PDLIM7: variants seen among roughly 807,000 people sequenced by gnomAD.
PDLIM7 encodes the protein PDZ and LIM domain 7.
In PDLIM7, 37 loss-of-function variants were observed where a neutral mutation model predicts 53.9. The observed-to-expected ratio is 0.69, with a 90% CI of 0.53 to 0.90. PDLIM7 has a LOEUF of 0.90. PDLIM7 is among the 40% of genes least tolerant of loss of function. The pLI is 0.00. For synonymous variants in PDLIM7, 300 were observed against 261.3 expected, an observed-to-expected ratio of 1.15 and a Z score of -1.43; for missense variants, 617 against 638.5, an observed-to-expected ratio of 0.97 and a Z score of 0.36.
intron 5 of PDLIM7, 64 bp downstream of exon 5, chr5:177,491,743 G>T: frequency 1.3e-6 from 1 of 799,704 alleles, no homozygotes. Flanking sequence ...GCAGCAGCGG[G>T]CAGCGGGCGT....
At chr5:177,492,967 G>A (rs1017943711) in intron 2 of PDLIM7, 10 of 431,732 alleles carry the variant, frequency 2.3e-5, no homozygotes, top group African/African-American at 1.4e-4. Context: ...TCTATTCACC[G>A]CCACCACCCT....
intron 6 of PDLIM7, 23 bp downstream of exon 6, chr5:177,490,987 C>G: frequency 6.2e-7 from 1 of 1,613,786 alleles, no homozygotes; most frequent in Non-Finnish European, 8.5e-7. Flanking sequence ...GGAAAGTACC[C>G]CCTGCCCTGG....
chr5:177,491,244 G>A, intron 5 of PDLIM7, 98 bp from the exon 6 acceptor site: 1 of 1,449,238 alleles, frequency 6.9e-7, no homozygotes, highest in Non-Finnish European at 9.5e-7. Context: ...TTACAGTGAT[G>A]GGAGGGAGTG....
At chr5:177,489,750 C>A in intron 8 of PDLIM7, 21 bp downstream of exon 8, 3 of 1,519,462 alleles carry the variant, frequency 2.0e-6, no homozygotes, top group Non-Finnish European at 2.7e-6. Flanking sequence ...CTTGCCCAGG[C>A]CCGAGCCCAC....
In PDLIM7 at chr5:177,489,834, T is replaced by G; in HGVS notation, c.573-2A>C. ...GGGGCTTCTGTCCTGGGCACCTGGC[T>G]GCAAGATCTGCCATTCAAGGCCCTG... On this transcript the variant is annotated splice_acceptor_variant, in intron 7 of 12. Coordinates refer to ENST00000355841, the MANE Select transcript of PDLIM7 (RefSeq NM_005451.5). LOFTEE classifies it high-confidence loss of function. The G allele has an allele frequency of 2.5e-6, 4 of 1,584,694 alleles. No homozygotes were observed. Among genetic ancestry groups the G allele is most frequent in the Non-Finnish European group, 3.4e-6 (4 of 1,167,008 alleles).
intron 2 of PDLIM7, among the ~76,000 whole-genome samples, chr5:177,494,826 T>G (rs1758984579): frequency 1.3e-5 from 2 of 151,972 alleles, no homozygotes; most frequent in Admixed American, 6.5e-5. Context: ...AGACGTTACC[T>G]CATCTCCCAG....
intron 7 of PDLIM7, chr5:177,490,294 GACA>G: frequency 6.9e-7 from 1 of 1,443,226 alleles, no homozygotes; most frequent in Non-Finnish European, 9.1e-7. Flanking sequence ...AGACCTGGCA[GACA>G]GCAGTACCAC....
chr5:177,486,714 C>T (rs1380959190), intron 10 of PDLIM7, among the ~76,000 whole-genome samples: 2 of 152,138 alleles, frequency 1.3e-5, no homozygotes, highest in Non-Finnish European at 2.9e-5. Context: ...TCTCGGCTCA[C>T]TGCAAGCTCT....
chr5:177,489,934 G>A (rs773797415), intron 7 of PDLIM7, 102 bp from the exon 8 acceptor site: 52 of 1,538,122 alleles, frequency 3.4e-5, no homozygotes, highest in Middle Eastern at 3.3e-4. Context: ...GACTGGGGGC[G>A]TGGAAACTGC....
chr5:177,483,882 G>C lies in PDLIM7; in HGVS notation c.1272C>G (p.Thr424=). The change falls in exon 12 of 13, where the codon ACC becomes ACG. Residue 424 remains threonine (T), a synonymous_variant. Coordinates refer to ENST00000355841, the MANE Select transcript of PDLIM7 (RefSeq NM_005451.5). ...GGGCTCTCACCGCACAGACGAAGCA[G>C]GTGTCATGCCAGCTGAAGCCCAGGG... ...LEALGFSWHD[T]CFVCAICQIN... The C allele has an allele frequency of 6.2e-7, 1 of 1,613,670 alleles. No individual in the cohort carries two copies. The highest frequency in any genetic ancestry group is 8.5e-7 in the Non-Finnish European group (1 of 1,179,866).
chr5:177,496,343 TCC>T (rs1233782568), intron 2 of PDLIM7, 72 bp downstream of exon 2: 1 of 1,140,618 alleles, frequency 8.8e-7, no homozygotes, highest in East Asian at 2.8e-5. Flanking sequence ...CTGTTAGGAC[TCC>T]CCCCATCACC....
chr5:177,489,454 G>T lies in PDLIM7; in HGVS notation c.808C>A (p.Pro270Thr), dbSNP rs745589435. 2 of 1,604,240 alleles carry T rather than the reference G, an allele frequency of 1.2e-6. No individual in the cohort carries two copies. Among genetic ancestry groups the T allele is most frequent in the South Asian group, 2.2e-5 (2 of 89,364 alleles). Residue 270 changes from proline (P) to threonine (T), a missense_variant, in exon 9 of 13, where the codon CCA (proline) becomes ACA (threonine). Transcript: ENST00000355841. ...TTGCCGTTGTTGCTGCCCCCTCCTG[G>T]CACCCCTCCGGCAGCTGCCTGCACA... The part of the protein sequence containing the change: ...SIVQAAAGGV[P>T]GGGSNNGKTP...
At position 177,489,554 on chromosome 5, in the gene PDLIM7, C is replaced by A; in HGVS notation, c.708G>T (p.Pro236=). The change falls in exon 9 of 13, where the codon CCG becomes CCT. Residue 236 remains proline, a synonymous_variant. Coordinates refer to ENST00000355841, the MANE Select transcript of PDLIM7 (RefSeq NM_005451.5). ...VDPAFAERYA[P]DKTSTVLTRH... ...GGGTCAGCACTGTGCTCGTTTTGTC[C>A]GGGGCATAGCGCTCGGCAAACGCAG... 1 of 1,610,660 alleles carries A rather than the reference C, an allele frequency of 6.2e-7. No individual in the cohort carries two copies. Among genetic ancestry groups the A allele is most frequent in the Admixed American group, 1.7e-5 (1 of 59,734 alleles).
rs143469279 is a variant in PDLIM7 at position 177,491,140 on chromosome 5, C to T, written c.405G>A (p.Pro135=). ...TGGCATCTGGGACCAGCGGTCGGAG[C>T]GGCTGTCTGTGGGGAGGGTGTGGCT... ...ADSAPQQNGQ[P]LRPLVPDASK... The change falls in exon 6 of 13, where the codon CCG becomes CCA. Residue 135 remains proline, a synonymous_variant. Transcript: ENST00000355841. 15 of 1,443,394 alleles carry T rather than the reference C, an allele frequency of 1.0e-5. No individual in the cohort carries two copies. Among genetic ancestry groups the T allele is most frequent in the Non-Finnish European group, 1.1e-5 (12 of 1,075,462 alleles). The allele number at this position is 1,443,394 out of a possible 1,614,324, so 89.4% of individuals were successfully genotyped here. A position where few individuals can be genotyped will look rare whatever the true frequency, so the allele number is the denominator to read the frequency against.
intron 10 of PDLIM7, 31 bp downstream of exon 10, chr5:177,488,037 G>A (rs1405082581): frequency 6.4e-7 from 1 of 1,553,466 alleles, no homozygotes; most frequent in South Asian, 1.2e-5. Context: ...ACAGGCTTGG[G>A]ACCACCTCCC....
At chr5:177,497,063 T>A (rs1309977520) in intron 1 of PDLIM7, among the ~76,000 whole-genome samples, 1 of 129,372 alleles carries the variant, frequency 7.7e-6, no homozygotes, top group African/African-American at 2.9e-5. Flanking sequence ...CTGCAGCGGA[T>A]CCTCCTAGCC....
In PDLIM7 at chr5:177,489,326, T is replaced by C. The variant is rs533529755; in HGVS notation, c.869+67A>G. 2.2e-4 allele frequency: 262 copies of C among 1,216,908 alleles called. 3 individuals are homozygous for C. In the South Asian group the frequency reaches 3.1e-3, roughly 15 times the overall value. 75.4% of individuals were successfully genotyped at this position (1,216,908 alleles called of 1,614,324 possible). A position where few individuals can be genotyped will look rare whatever the true frequency, so the allele number is the denominator to read the frequency against. On this transcript the variant is annotated intron_variant, in intron 9 of 12. Coordinates refer to ENST00000355841, the MANE Select transcript of PDLIM7 (RefSeq NM_005451.5). ...CCAGTCGCAGCTGAGGCAAGACAGG[T>C]GGGCAGACAGGTGGGGCTGGGCTGC...
chr5:177,491,913 C>G lies in PDLIM7; in HGVS notation c.292G>C (p.Ala98Pro), dbSNP rs769654770. The G allele has an allele frequency of 4.0e-6, 3 of 744,794 alleles. No homozygotes were observed. The highest frequency in any genetic ancestry group is 4.8e-6 in the Non-Finnish European group (3 of 625,284). 46.1% of individuals were successfully genotyped at this position (744,794 alleles called of 1,614,324 possible). Residue 98 changes from alanine to proline, a missense_variant, in exon 5 of 13, where the codon GCC (alanine) becomes CCC (proline). Coordinates refer to ENST00000355841, the MANE Select transcript of PDLIM7 (RefSeq NM_005451.5). ...AAGGTGTACCGCGGAGGGTCCGCGG[C>G]GGGGGCGGAGGCCTGGGCAGAGACA... is the stretch of plus-strand genomic sequence containing the variant. ...QSKPQKASAPAADPPRYTFAP... is the reference protein window; with the variant it reads ...QSKPQKASAPPADPPRYTFAP...
intron 9 of PDLIM7, 59 bp downstream of exon 9, chr5:177,489,334 C>A: frequency 7.7e-7 from 1 of 1,299,396 alleles, no homozygotes; most frequent in Non-Finnish European, 1.1e-6. Context: ...GGTGGGCAGA[C>A]AGGTGGGGCT....
Sources: gnomAD v4.1 joint callset for allele counts (sites outside exome capture counted in the v4.1 genomes callset) on GRCh38, gnomAD v4.1.1 for gene constraint, MANE v1.5 for transcripts, NCBI Gene and HGNC (gene_info 2026-07-23, HGNC 2026-07-21) for gene names.